The following SAP30 variants were observed in gnomAD, a reference collection of about 807,000 sequenced individuals.
SAP30 encodes Sin3A associated protein 30.
Under a neutral mutation model 19.6 loss-of-function variants are expected in SAP30, and 13 were observed. The observed-to-expected ratio is 0.66, with a 90% CI of 0.43 to 1.05. SAP30 has a LOEUF of 1.05. Among genes scored for constraint, SAP30 ranks in the 50% least tolerant of loss-of-function variants. The pLI is 0.00. For synonymous variants in SAP30, 108 were observed against 122.7 expected, an observed-to-expected ratio of 0.88 and a Z score of 0.79; for missense variants, 257 against 292.1, an observed-to-expected ratio of 0.88 and a Z score of 0.88.
rs1487009062 is a variant in SAP30, at chr4:173,370,998, C to G, written c.-185C>G. The G allele has an allele frequency of 1.1e-5, 5 of 470,724 alleles. No individual in the cohort carries two copies. The highest frequency in any genetic ancestry group is 1.0e-4 in the African/African-American group (5 of 48,348). 29.2% of individuals were successfully genotyped at this position (470,724 alleles called of 1,614,324 possible). ...CCAGGAGACGCTCGAGTCTGCGTCC[C>G]GGCCCTCAGCACTGTCCACTGTTTC... On this transcript the variant is annotated 5_prime_UTR_variant, in exon 1 of 4. Coordinates refer to ENST00000296504, the MANE Select transcript of SAP30 (RefSeq NM_003864.4).
chr4:173,373,519 G>A lies in SAP30; in HGVS notation c.441+4G>A. 6.3e-7 allele frequency: 1 copy of A among 1,591,226 alleles called. No individual in the cohort carries two copies. Among genetic ancestry groups the A allele is most frequent in the Non-Finnish European group, 8.5e-7 (1 of 1,170,662 alleles). On this transcript the variant is annotated splice_donor_region_variant and intron_variant, in intron 2 of 3. Transcript: ENST00000296504. ...TCAAGATATTGATACCCCAGAGGTA[G>A]ATGGAAGTTTTTTATGCTTAATGTA...
chr4:173,374,740 G>A (rs1360571520), intron 3 of SAP30, among the ~76,000 whole-genome samples: 1 of 152,028 alleles, frequency 6.6e-6, no homozygotes, highest in Non-Finnish European at 1.5e-5. Context: ...TTAAAGTGGT[G>A]GAATAGGCCT....
In SAP30 at chr4:173,371,112, G is replaced by T; in HGVS notation, c.-71G>T. 7.3e-7 allele frequency: 1 copy of T among 1,377,622 alleles called. No individual in the cohort carries two copies. 85.3% of individuals were successfully genotyped at this position (1,377,622 alleles called of 1,614,324 possible). ...GTGTGCAGAGTGAATTGCCGCTGCC[G>T]GAGCGGAGAGAGGCGGAGCGGCCAG... is the stretch of plus-strand genomic sequence containing the variant. On this transcript the variant is annotated 5_prime_UTR_variant, in exon 1 of 4. Coordinates refer to ENST00000296504, the MANE Select transcript of SAP30 (RefSeq NM_003864.4). The surrounding 1 kb of genome is among the most constrained non-coding windows in gnomAD (Gnocchi z 6.4).
intron 2 of SAP30, 92 bp downstream of exon 2, chr4:173,373,607 A>G: frequency 7.8e-7 from 1 of 1,274,662 alleles, no homozygotes; most frequent in Non-Finnish European, 1.1e-6. Flanking sequence ...TAAGTGTTTA[A>G]AACATTTGAG....
At chr4:173,375,934 G>A (rs76549998) in intron 3 of SAP30, among the ~76,000 whole-genome samples, 1,938 of 152,298 alleles carry the variant, frequency 0.013, 50 homozygotes, top group African/African-American at 0.044. Context: ...GTGCACATGT[G>A]AGGGATCTAG....
In SAP30 at chr4:173,376,247, A is replaced by C. The variant is rs139834489; in HGVS notation, c.541-958A>C. The stretch of plus-strand genomic sequence containing the variant: ...TCTTCTATTAGTAATTGTAGTATGC[A>C]TGTTATGTTAGCACAATGAAAAAGC... On this transcript the variant is annotated intron_variant, in intron 3 of 3. Transcript: ENST00000296504. 4.6e-3 allele frequency among the ~76,000 whole-genome samples: 701 copies of C among 152,338 alleles called. 6 individuals carry two copies. In the East Asian group the frequency reaches 0.049, roughly 11 times the overall value.
chr4:173,371,056 T>C lies in SAP30; in HGVS notation c.-127T>C, dbSNP rs1309801182. The stretch of plus-strand genomic sequence containing the variant: ...GCAGAGACCAGCAGGCCCGGGACAG[T>C]TGGTGTTTGGCCGTGCCGCTGTCTA... On this transcript the variant is annotated 5_prime_UTR_variant, in exon 1 of 4. Coordinates refer to ENST00000296504, the MANE Select transcript of SAP30 (RefSeq NM_003864.4). This position sits in a 1 kb window ranked among gnomAD's most constrained non-coding sequence, Gnocchi z 6.4. The C allele has an allele frequency of 4.8e-6, 5 of 1,042,336 alleles. No individual in the cohort carries two copies. Among genetic ancestry groups the C allele is most frequent in the South Asian group, 3.2e-5 (2 of 62,822 alleles). The allele number at this position is 1,042,336 out of a possible 1,614,324, so 64.6% of individuals were successfully genotyped here.
Position 173,371,287 on chromosome 4 carries a change from G to C in SAP30, c.105G>C (p.Gly35=). 1 of 1,241,684 alleles carries C rather than the reference G, an allele frequency of 8.1e-7. No individual in the cohort carries two copies. The allele number at this position is 1,241,684 out of a possible 1,614,324, so 76.9% of individuals were successfully genotyped here. A position where few individuals can be genotyped will look rare whatever the true frequency, so the allele number is the denominator to read the frequency against. Residue 35 remains glycine (G), a synonymous_variant, in exon 1 of 4, where the codon GGG becomes GGC. Coordinates refer to ENST00000296504, the MANE Select transcript of SAP30 (RefSeq NM_003864.4). The surrounding 1 kb of genome is among the most constrained non-coding windows in gnomAD (Gnocchi z 6.4). The part of the protein sequence containing the change: ...AAAAAASAGN[G]TGAGTGAEVP... The stretch of plus-strand genomic sequence containing the variant: ...CCGCCGCCGCCTCGGCGGGGAACGG[G>C]ACCGGCGCGGGCACCGGGGCTGAGG...
Position 173,373,953 on chromosome 4 carries a change from A to G in SAP30, c.456A>G (p.Gln152=), listed in dbSNP as rs202001068. The stretch of plus-strand genomic sequence containing the variant: ...ATTTTTTCTAGGTTGATTTATACCA[A>G]TTACAAGTAAATACACTTAGGAGAT... The part of the protein sequence containing the change: ...DIDTPEVDLY[Q]LQVNTLRRYK... Residue 152 remains glutamine, a synonymous_variant, in exon 3 of 4, where the codon CAA becomes CAG. Transcript: ENST00000296504. 1.3e-4 allele frequency: 197 copies of G among 1,566,340 alleles called. No individual in the cohort carries two copies. The Middle Eastern group carries it at 2.1e-3, about 17-fold the overall frequency.
At position 173,371,338 on chromosome 4, in the gene SAP30, G is replaced by A; in HGVS notation, c.156G>A (p.Ala52=). The A allele has an allele frequency of 1.4e-6, 2 of 1,407,884 alleles. No homozygotes were observed. Among genetic ancestry groups the A allele is most frequent in the Admixed American group, 3.1e-5 (1 of 31,996 alleles). The allele number at this position is 1,407,884 out of a possible 1,614,324, so 87.2% of individuals were successfully genotyped here. A position where few individuals can be genotyped will look rare whatever the true frequency, so the allele number is the denominator to read the frequency against. Residue 52 remains alanine, a synonymous_variant, in exon 1 of 4, where the codon GCG becomes GCA. Transcript: ENST00000296504. This position sits in a 1 kb window ranked among gnomAD's most constrained non-coding sequence, Gnocchi z 6.4. ...TGCCGGGCGCGGGGGCGGTCTCAGC[G>A]GCTGGGCCCCCGGGGGCGGCCGGGC... ...AEVPGAGAVS[A]AGPPGAAGPG... is the part of the protein sequence containing the mutation.
In SAP30 at chr4:173,371,581, G is replaced by GTCCC; in HGVS notation, c.315+85_315+88dup. On this transcript the variant is annotated intron_variant, in intron 1 of 3. Transcript: ENST00000296504. This position sits in a 1 kb window ranked among gnomAD's most constrained non-coding sequence, Gnocchi z 6.4. ...GGCAAAGGCACGGGTTGTCGGCGGG[G>GTCCC]TCCCCCAGACAACCGCACTGGCTGC... 6.6e-7 allele frequency: 1 copy of GTCCC among 1,517,040 alleles called. No homozygotes were observed. The highest frequency in any genetic ancestry group is 1.9e-5 in the Admixed American group (1 of 53,770). 94.0% of individuals were successfully genotyped at this position (1,517,040 alleles called of 1,614,324 possible). A position where few individuals can be genotyped will look rare whatever the true frequency, so the allele number is the denominator to read the frequency against.
intron 2 of SAP30, among the ~76,000 whole-genome samples, 160 bp downstream of exon 2, chr4:173,373,675 T>A (rs1350893664): frequency 6.6e-6 from 1 of 152,236 alleles, no homozygotes; most frequent in Non-Finnish European, 1.5e-5. Flanking sequence ...TTACACAGTT[T>A]GAATTGTTAC....
chr4:173,375,354 T>C (rs924690769), intron 3 of SAP30, among the ~76,000 whole-genome samples: 1 of 152,128 alleles, frequency 6.6e-6, no homozygotes, highest in Non-Finnish European at 1.5e-5. Flanking sequence ...TAGCTAAAAT[T>C]TTTTATCCTT....
chr4:173,377,468 T>G lies in SAP30; in HGVS notation c.*141T>G. 1 of 752,968 alleles carries G rather than the reference T, an allele frequency of 1.3e-6. No homozygotes were observed. The highest frequency in any genetic ancestry group is 2.1e-6 in the Non-Finnish European group (1 of 483,590). 46.6% of individuals were successfully genotyped at this position (752,968 alleles called of 1,614,324 possible). A position where few individuals can be genotyped will look rare whatever the true frequency, so the allele number is the denominator to read the frequency against. Reference sequence around the variant, plus strand: ...TTTGTTTCTGACTCTAATAATTAGTTGGAAACTCATATAAAATGAGCTTTC... The same window carrying G: ...TTTGTTTCTGACTCTAATAATTAGTGGGAAACTCATATAAAATGAGCTTTC... On this transcript the variant is annotated 3_prime_UTR_variant, in exon 4 of 4. Transcript: ENST00000296504.
In SAP30 at chr4:173,377,192, C is replaced by A; in HGVS notation, c.541-13C>A. 6.5e-7 allele frequency: 1 copy of A among 1,547,330 alleles called. No homozygotes were observed. The highest frequency in any genetic ancestry group is 8.7e-7 in the Non-Finnish European group (1 of 1,151,940). On this transcript the variant is annotated splice_polypyrimidine_tract_variant and intron_variant, in intron 3 of 3. Coordinates refer to ENST00000296504, the MANE Select transcript of SAP30 (RefSeq NM_003864.4). ...CTAAAATTTAATTTCCTTAATTTTT[C>A]TTTTCTTTGTAGATAGTTGGTTGCC...
In SAP30 at chr4:173,374,644, C is replaced by T. The variant is rs138163826; in HGVS notation, c.540+607C>T. 2.8e-3 allele frequency among the ~76,000 whole-genome samples: 420 copies of T among 152,098 alleles called. 4 individuals carry two copies. The highest frequency in any genetic ancestry group is 9.7e-3 in the African/African-American group (404 of 41,496). On this transcript the variant is annotated intron_variant, in intron 3 of 3. Transcript: ENST00000296504. ...TAGAAATCTATTAATTTTAAAACTCCGTTTAACCAGTAAACATTTGAGCAC... is the reference window on the plus strand; with the variant it reads ...TAGAAATCTATTAATTTTAAAACTCTGTTTAACCAGTAAACATTTGAGCAC...
At chr4:173,374,155 A>T in intron 3 of SAP30, 118 bp downstream of exon 3, 3 of 531,374 alleles carry the variant, frequency 5.6e-6, no homozygotes, top group Non-Finnish European at 1.0e-5. Context: ...GAACAAAGTT[A>T]AAAAATCTGT....
At chr4:173,372,504 G>C (rs1738959348) in intron 1 of SAP30, among the ~76,000 whole-genome samples, 1 of 152,160 alleles carries the variant, frequency 6.6e-6, no homozygotes, top group South Asian at 2.1e-4. Context: ...ATGTGTTATA[G>C]ATAAATACAT....
rs981018478 is a variant in SAP30, at chr4:173,371,580, G to T, written c.315+83G>T. 2.0e-5 allele frequency: 30 copies of T among 1,517,596 alleles called. No individual in the cohort carries two copies. Among genetic ancestry groups the T allele is most frequent in the African/African-American group, 7.1e-5 (5 of 70,718 alleles). 94.0% of individuals were successfully genotyped at this position (1,517,596 alleles called of 1,614,324 possible). ...GGGCAAAGGCACGGGTTGTCGGCGG[G>T]GTCCCCCAGACAACCGCACTGGCTG... On this transcript the variant is annotated intron_variant, in intron 1 of 3. Coordinates refer to ENST00000296504, the MANE Select transcript of SAP30 (RefSeq NM_003864.4). This position sits in a 1 kb window ranked among gnomAD's most constrained non-coding sequence, Gnocchi z 6.4.
Sources: gnomAD v4.1 joint callset for allele counts (sites outside exome capture counted in the v4.1 genomes callset) on GRCh38, gnomAD v4.1.1 for gene constraint, Gnocchi (gnomAD v3.1) non-coding constraint, MANE v1.5 for transcripts, NCBI Gene and HGNC (gene_info 2026-07-23, HGNC 2026-07-21) for gene names.